JADE2: variants seen among roughly 807,000 people sequenced by gnomAD.
The protein encoded by JADE2 is E3 ubiquitin-protein ligase Jade-2.
Under a neutral mutation model 85.7 loss-of-function variants are expected in JADE2, and 13 were observed. That is an observed-to-expected ratio of 0.15 (90% CI 0.10 to 0.24). JADE2 has a LOEUF of 0.24. JADE2 is among the 10% of genes least tolerant of loss of function. The pLI is 1.00. For synonymous variants in JADE2, 440 were observed against 456.1 expected (o/e 0.96, Z 0.45); for missense variants, 846 against 1,115.9 (o/e 0.76, Z 3.45).
intron 3 of JADE2, among the ~76,000 whole-genome samples, chr5:134,543,641 C>T (rs1350977283): frequency 6.6e-6 from 1 of 152,148 alleles, no homozygotes; most frequent in Non-Finnish European, 1.5e-5. Context: ...TGCACCACTG[C>T]ACTCCAGCCT....
At position 134,580,449 on chromosome 5, in the gene JADE2, C is replaced by T. The variant is rs1184583542; in HGVS notation, c.*1132C>T. On this transcript the variant is annotated 3_prime_UTR_variant, in exon 12 of 12. Coordinates refer to ENST00000681547, the MANE Select transcript of JADE2 (RefSeq NM_001388185.1). Reference sequence around the variant, plus strand: ...ATCCCCCCCCCCGTCCTGCCATCCCCCCCCGCCGTCCTGCCTTCCCCACCC... The same window carrying T: ...ATCCCCCCCCCCGTCCTGCCATCCCTCCCCGCCGTCCTGCCTTCCCCACCC... 1 of 134,160 alleles carries T rather than the reference C, an allele frequency of 7.5e-6. No individual in the cohort carries two copies. The highest frequency in any genetic ancestry group is 2.7e-5 in the African/African-American group (1 of 37,348). The allele number at this position is 134,160 out of a possible 1,614,324, so 8.3% of individuals were successfully genotyped here.
At chr5:134,535,805 T>C (rs1761548111) in intron 1 of JADE2, 53 bp from the exon 2 acceptor site, 4 of 1,517,444 alleles carry the variant, frequency 2.6e-6, no homozygotes, top group Non-Finnish European at 3.7e-6. Flanking sequence ...TTCTGAGAGG[T>C]TGAGGATTTC....
chr5:134,543,339 C>T (rs1762092432), intron 3 of JADE2, among the ~76,000 whole-genome samples: 2 of 148,974 alleles, frequency 1.3e-5, no homozygotes, highest in South Asian at 4.6e-4. Context: ...AGTACCTGTA[C>T]TTTTTTAACA....
chr5:134,528,321 C>T (rs1166364508), intron 1 of JADE2, among the ~76,000 whole-genome samples: 1 of 152,180 alleles, frequency 6.6e-6, no homozygotes, highest in Non-Finnish European at 1.5e-5. Context: ...CAGGGCTTCT[C>T]CCCTACCCTG....
intron 9 of JADE2, among the ~76,000 whole-genome samples, chr5:134,567,852 G>A (rs967563451): frequency 6.6e-6 from 1 of 152,204 alleles, no homozygotes; most frequent in African/African-American, 2.4e-5. Flanking sequence ...AGAGGTGGAG[G>A]TGGGAGGAAC....
intron 3 of JADE2, among the ~76,000 whole-genome samples, chr5:134,542,445 T>C (rs1393837622): frequency 6.7e-6 from 1 of 150,256 alleles, no homozygotes; most frequent in African/African-American, 2.5e-5. Context: ...CTTTTTTTTT[T>C]TTTTTTTTTT....
rs763499345 is a variant in JADE2 at position 134,579,063 on chromosome 5, C to T, written c.2251C>T (p.Arg751Trp). ...GPAASPKPLG[R>W]LRPPRESKVT... ...TGCAGCAAGCCCTAAGCCTTTGGGC[C>T]GGCTCCGGCCACCCCGCGAGAGCAA... is the stretch of plus-strand genomic sequence containing the variant. The change falls in exon 12 of 12, where the codon CGG (arginine) becomes TGG (tryptophan). Residue 751 changes from arginine (R) to tryptophan (W), a missense_variant. Physicochemically the swap from Arg to Trp is moderately radical, Grantham distance 101. Around this residue, in one of 9 missense-constraint regions of JADE2, gnomAD observed 300 missense variants for 300.7 expected, o/e 1.00. Coordinates refer to ENST00000681547, the MANE Select transcript of JADE2 (RefSeq NM_001388185.1). This position sits in a 1 kb window ranked among gnomAD's most constrained non-coding sequence, Gnocchi z 4.6. 1.7e-5 allele frequency: 28 copies of T among 1,613,990 alleles called. 1 individual carries two copies. Among genetic ancestry groups the T allele is most frequent in the South Asian group, 1.5e-4 (14 of 91,080 alleles).
intron 9 of JADE2, among the ~76,000 whole-genome samples, chr5:134,570,788 C>CT (rs1184258329): frequency 6.6e-6 from 1 of 152,204 alleles, no homozygotes; most frequent in Admixed American, 6.5e-5. Context: ...TTGCTCTCCC[C>CT]TGACTGCTCA....
In JADE2 at chr5:134,560,945, C is replaced by A; in HGVS notation, c.672C>A (p.Val224=). Residue 224 remains valine, a synonymous_variant, in exon 6 of 12, where the codon GTC becomes GTA. Transcript: ENST00000681547. The stretch of plus-strand genomic sequence containing the variant: ...TGGTCTTCTGTGACAAGTGCAACGT[C>A]TGTGTGCATCAGGTGGGCAGACCCC... ...NEMVFCDKCN[V]CVHQACYGIL... 6.2e-7 allele frequency: 1 copy of A among 1,612,954 alleles called. No individual in the cohort carries two copies. The highest frequency in any genetic ancestry group is 8.5e-7 in the Non-Finnish European group (1 of 1,179,060).
intron 9 of JADE2, among the ~76,000 whole-genome samples, chr5:134,567,240 T>C (rs1414399987): frequency 6.6e-6 from 1 of 151,966 alleles, no homozygotes; most frequent in Admixed American, 6.5e-5. Flanking sequence ...TCACAGTGTG[T>C]CTGGAAGCTG....
Position 134,566,030 on chromosome 5 carries a change from A to G in JADE2, c.970-86A>G. On this transcript the variant is annotated intron_variant, in intron 8 of 11. Coordinates refer to ENST00000681547, the MANE Select transcript of JADE2 (RefSeq NM_001388185.1). The surrounding 1 kb of genome is among the most constrained non-coding windows in gnomAD (Gnocchi z 6.7). Reference sequence around the variant, plus strand: ...GTTCTCTCCAGCATTGCGCATTCTCAGTAGAGCCCTGGGGGAAGCCCCTCT... The same window carrying G: ...GTTCTCTCCAGCATTGCGCATTCTCGGTAGAGCCCTGGGGGAAGCCCCTCT... 1 of 1,178,110 alleles carries G rather than the reference A, an allele frequency of 8.5e-7. No homozygotes were observed. The allele number at this position is 1,178,110 out of a possible 1,614,324, so 73.0% of individuals were successfully genotyped here.
intron 1 of JADE2, among the ~76,000 whole-genome samples, chr5:134,534,476 G>C (rs748273786): frequency 1.3e-5 from 2 of 152,050 alleles, no homozygotes; most frequent in African/African-American, 2.4e-5. Flanking sequence ...TGCTGGTGGT[G>C]GGCACTGGGG....
At chr5:134,535,534 G>A (rs2149873531) in intron 1 of JADE2, among the ~76,000 whole-genome samples, 1 of 152,264 alleles carries the variant, frequency 6.6e-6, no homozygotes, top group East Asian at 1.9e-4. Flanking sequence ...GTGGCAGCTG[G>A]GACTGGGCAG....
chr5:134,567,500 C>A (rs1025494459), intron 9 of JADE2, among the ~76,000 whole-genome samples: 2 of 152,130 alleles, frequency 1.3e-5, no homozygotes, highest in Admixed American at 1.3e-4. Flanking sequence ...TTCTAGGGTT[C>A]CAGAGCATAT....
chr5:134,526,921 C>G (rs906504847), intron 1 of JADE2, among the ~76,000 whole-genome samples: 1 of 152,126 alleles, frequency 6.6e-6, no homozygotes, highest in African/African-American at 2.4e-5. Flanking sequence ...CGCGGGGCGA[C>G]GGCAGGGGGC....
intron 1 of JADE2, chr5:134,526,395 C>A: frequency 1.0e-6 from 1 of 985,078 alleles, no homozygotes; most frequent in Non-Finnish European, 1.2e-6. Flanking sequence ...CCCGCGGGCT[C>A]CGGCCGGGCG....
chr5:134,537,888 A>G, intron 2 of JADE2, 101 bp from the exon 3 acceptor site: 1 of 846,578 alleles, frequency 1.2e-6, no homozygotes, highest in South Asian at 1.5e-5. Flanking sequence ...CCTCATGAAC[A>G]TTCTAGCCGG....
chr5:134,559,181 A>G (rs1203895666), intron 4 of JADE2, among the ~76,000 whole-genome samples: 1 of 152,166 alleles, frequency 6.6e-6, no homozygotes, highest in Non-Finnish European at 1.5e-5. Context: ...TTGTCTGGAA[A>G]GGGTCACCCT....
At chr5:134,527,949 A>G (rs1467155106) in intron 1 of JADE2, among the ~76,000 whole-genome samples, 1 of 152,164 alleles carries the variant, frequency 6.6e-6, no homozygotes, top group Non-Finnish European at 1.5e-5. Context: ...CATCTTCTGC[A>G]GGATCCCGAG....
Sources: gnomAD v4.1 joint callset for allele counts (sites outside exome capture counted in the v4.1 genomes callset) on GRCh38, gnomAD v4.1.1 for gene constraint, gnomAD v4.1.1 regional missense constraint, Gnocchi (gnomAD v3.1) non-coding constraint, MANE v1.5 for transcripts, NCBI Gene and HGNC (gene_info 2026-07-23, HGNC 2026-07-21) for gene names.